Variants in CNTNAP5 observed in about 807,000 individuals in gnomAD.
The protein encoded by CNTNAP5 is contactin-associated protein-like 5.
A neutral mutation model predicts 150.2 loss-of-function variants in CNTNAP5; 72 were observed. That is an observed-to-expected ratio of 0.48 (90% confidence interval 0.40 to 0.58). The LOEUF (loss-of-function observed/expected upper bound fraction) is 0.58, where lower values mean the gene tolerates loss of function less well. Among genes scored for constraint, CNTNAP5 ranks in the 20% least tolerant of loss-of-function variants. The probability of loss-of-function intolerance (pLI) is 0.00; values close to 1 mark genes in which losing one functional copy is unlikely to be tolerated. For synonymous variants in CNTNAP5, 672 were observed against 619.8 expected (o/e 1.08, Z -1.25); for missense variants, 1,636 against 1,626.2 (o/e 1.01, Z -0.10).
rs202191398 is a variant in CNTNAP5, at chr2:124,713,310, C to G, written c.2078-33919C>G. ...CTTTCTTTCTTTCTTTCTTCTTTCT[C>G]TTTCTTTCCTTTCTTTCTTTCTTTC... is the stretch of plus-strand genomic sequence containing the variant. On this transcript the variant is annotated intron_variant, in intron 13 of 23. Coordinates refer to ENST00000682447, the MANE Select transcript of CNTNAP5 (RefSeq NM_001367498.1). 8.2e-5 allele frequency among the ~76,000 whole-genome samples: 6 copies of G among 72,778 alleles called. 1 individual carries two copies. The highest frequency in any genetic ancestry group is 2.7e-4 in the African/African-American group (6 of 22,068). The allele number at this position is 72,778 out of a possible 152,430, so 47.7% of individuals were successfully genotyped here.
At chr2:124,688,566 G>A (rs889271251) in intron 13 of CNTNAP5, among the ~76,000 whole-genome samples, 4 of 152,052 alleles carry the variant, frequency 2.6e-5, no homozygotes, top group African/African-American at 9.7e-5. Flanking sequence ...TCATGAGGAA[G>A]CACATGATAA....
intron 13 of CNTNAP5, among the ~76,000 whole-genome samples, chr2:124,693,713 C>T (rs969238527): frequency 6.6e-6 from 1 of 151,670 alleles, no homozygotes; most frequent in South Asian, 2.1e-4. Context: ...TTTAACATCG[C>T]AGGCATGGGC....
intron 14 of CNTNAP5, among the ~76,000 whole-genome samples, chr2:124,751,910 T>C (rs1680735229): frequency 6.6e-6 from 1 of 152,194 alleles, no homozygotes; most frequent in Non-Finnish European, 1.5e-5. Flanking sequence ...TTGAGGTTGG[T>C]TTTATTATTT....
At chr2:124,162,372 C>G (rs1228855372) in intron 1 of CNTNAP5, among the ~76,000 whole-genome samples, 1 of 152,158 alleles carries the variant, frequency 6.6e-6, no homozygotes, top group Non-Finnish European at 1.5e-5. Context: ...ATCTTATTAT[C>G]TTTACAGACA....
At chr2:124,906,619 C>T (rs1261650417) in intron 22 of CNTNAP5, among the ~76,000 whole-genome samples, 4 of 152,082 alleles carry the variant, frequency 2.6e-5, no homozygotes, top group South Asian at 2.1e-4. Flanking sequence ...TTGAGAAACA[C>T]GCACTCTCTT....
chr2:124,201,145 T>C (rs576340547), intron 1 of CNTNAP5, among the ~76,000 whole-genome samples: 1 of 152,322 alleles, frequency 6.6e-6, no homozygotes, highest in South Asian at 2.1e-4. Flanking sequence ...AAACATCTGG[T>C]ACCAGGCGTG....
At chr2:124,465,180 A>G (rs1261391559) in intron 6 of CNTNAP5, among the ~76,000 whole-genome samples, 1 of 152,168 alleles carries the variant, frequency 6.6e-6, no homozygotes, top group Non-Finnish European at 1.5e-5. Context: ...TCAAAGAAAA[A>G]GAGAGTGGTA....
intron 1 of CNTNAP5, among the ~76,000 whole-genome samples, chr2:124,085,128 GT>G (rs202141116): frequency 0.046 from 7,008 of 151,734 alleles, 231 homozygotes; most frequent in South Asian, 0.11. Context: ...CACCATGTTG[GT>G]CAGGCTGGTC....
chr2:124,313,396 A>G (rs1025038851), intron 3 of CNTNAP5, among the ~76,000 whole-genome samples: 1 of 152,338 alleles, frequency 6.6e-6, no homozygotes, highest in East Asian at 1.9e-4. Flanking sequence ...CATAGTCCCT[A>G]AATTTTAGGA....
At chr2:124,129,737 G>T (rs1263004540) in intron 1 of CNTNAP5, among the ~76,000 whole-genome samples, 1 of 152,144 alleles carries the variant, frequency 6.6e-6, no homozygotes, top group Admixed American at 6.5e-5. Flanking sequence ...GGAAAGGCTG[G>T]AAAATCATGT....
rs145979780 is a variant in CNTNAP5, at chr2:124,442,941, C to T, written c.734-3812C>T. 2.6e-5 allele frequency among the ~76,000 whole-genome samples: 4 copies of T among 152,052 alleles called. 1 individual carries two copies. The South Asian group carries it at 6.2e-4, about 24-fold the overall frequency. On this transcript the variant is annotated intron_variant, in intron 5 of 23. Coordinates refer to ENST00000682447, the MANE Select transcript of CNTNAP5 (RefSeq NM_001367498.1). ...AGACAGCCAAATTTTAAAGCTAGAC[C>T]GTATGTTGTTGGCAAGCCTGTGGTA...
intron 1 of CNTNAP5, among the ~76,000 whole-genome samples, chr2:124,095,196 G>T (rs1251260710): frequency 3.9e-5 from 6 of 152,240 alleles, no homozygotes; most frequent in African/African-American, 9.6e-5. Context: ...CCTTTGCAGG[G>T]ACATGGATGA....
intron 13 of CNTNAP5, among the ~76,000 whole-genome samples, chr2:124,680,125 A>C (rs560149146): frequency 6.6e-6 from 1 of 151,906 alleles, no homozygotes; most frequent in African/African-American, 2.4e-5. Context: ...TTCCCTCAAA[A>C]GTTCTTTGTC....
At position 124,654,918 on chromosome 2, in the gene CNTNAP5, CT is replaced by C. The variant is rs201163247; in HGVS notation, c.2077+6971del. ...GACAAAATATCAGGGTAGTATTTGA[CT>C]TTTTTTTTTTACTTATTTCTTAAAT... On this transcript the variant is annotated intron_variant, in intron 13 of 23. Coordinates refer to ENST00000682447, the MANE Select transcript of CNTNAP5 (RefSeq NM_001367498.1). Among the ~76,000 whole-genome samples the C allele has an allele frequency of 7.8e-4, 113 of 145,806 alleles. No individual in the cohort carries two copies. In the East Asian group the frequency reaches 8.2e-3, roughly 11 times the overall value.
intron 3 of CNTNAP5, among the ~76,000 whole-genome samples, chr2:124,285,774 T>C (rs1309432979): frequency 6.6e-6 from 1 of 151,970 alleles, no homozygotes; most frequent in Non-Finnish European, 1.5e-5. Flanking sequence ...TGCACTCCAA[T>C]GTGGGTGACA....
intron 4 of CNTNAP5, among the ~76,000 whole-genome samples, chr2:124,426,876 G>C (rs897241672): frequency 3.3e-5 from 5 of 152,188 alleles, no homozygotes; most frequent in African/African-American, 4.8e-5. Flanking sequence ...ACTCCAGGAT[G>C]GGGGAGCGCA....
At chr2:124,044,942 G>A (rs912448504) in intron 1 of CNTNAP5, among the ~76,000 whole-genome samples, 13 of 149,738 alleles carry the variant, frequency 8.7e-5, no homozygotes, top group Non-Finnish European at 1.9e-4. Context: ...ATGAATAAGT[G>A]AGGCCCATCT....
At chr2:124,102,795 A>G (rs1683092600) in intron 1 of CNTNAP5, among the ~76,000 whole-genome samples, 1 of 152,212 alleles carries the variant, frequency 6.6e-6, no homozygotes, top group Non-Finnish European at 1.5e-5. Flanking sequence ...CCTGCCTCAC[A>G]GCGATGTTGT....
At chr2:124,609,152 A>G (rs1314430568) in intron 11 of CNTNAP5, among the ~76,000 whole-genome samples, 2 of 152,172 alleles carry the variant, frequency 1.3e-5, no homozygotes, top group Admixed American at 6.5e-5. Flanking sequence ...TGGTATTTGG[A>G]TGATCCAAGC....
Sources: gnomAD v4.1 joint callset for allele counts (sites outside exome capture counted in the v4.1 genomes callset) on GRCh38, gnomAD v4.1.1 for gene constraint, MANE v1.5 for transcripts, NCBI Gene and HGNC (gene_info 2026-07-23, HGNC 2026-07-21) for gene names.